The following DNAJC13 variants were observed in gnomAD, a reference collection of about 807,000 sequenced individuals.
The protein encoded by DNAJC13 is DnaJ heat shock protein family (Hsp40) member C13.
In DNAJC13, 75 loss-of-function variants were observed where a neutral mutation model predicts 290.5. The ratio of observed to expected loss-of-function variants is 0.26; its 90% CI spans 0.21 to 0.31. The LOEUF (loss-of-function observed/expected upper bound fraction) is 0.31. Among genes scored for constraint, DNAJC13 ranks in the 10% least tolerant of loss-of-function variants. The pLI, the probability that DNAJC13 is intolerant of heterozygous loss-of-function variation, is 1.00. For missense variants in DNAJC13, 2,260 were observed against 2,674.5 expected, an observed-to-expected ratio of 0.85 and a Z score of 3.42; for synonymous variants, 862 against 892.0, an observed-to-expected ratio of 0.97 and a Z score of 0.60.
intron 44 of DNAJC13, 70 bp downstream of exon 44, chr3:132,511,314 T>A: frequency 1.3e-6 from 2 of 1,540,110 alleles, no homozygotes; most frequent in Non-Finnish European, 1.8e-6. Context: ...AATAATCAAT[T>A]TTATCAGGGA....
At chr3:132,459,566 G>T (rs900345320) in intron 13 of DNAJC13, among the ~76,000 whole-genome samples, 5 of 152,058 alleles carry the variant, frequency 3.3e-5, no homozygotes, top group African/African-American at 1.2e-4. Context: ...AAATGGTTAA[G>T]ATGGTAACTT....
chr3:132,511,115 G>A lies in DNAJC13; in HGVS notation c.5164G>A (p.Ala1722Thr), dbSNP rs1576511260. ...ASLLDYIGSQ[A>T]QYLHTFMAIT... ...TCTCTTGGATTATATAGGCTCGCAG[G>A]CCCAATACTTGCACACATTCATGGC... The change falls in exon 44 of 56, where the codon GCC becomes ACC. Residue 1722 changes from alanine (A) to threonine (T), a missense_variant. Ala to Thr is a moderately conservative substitution (Grantham distance 58). Transcript: ENST00000260818. 1 of 1,613,826 alleles carries A rather than the reference G, an allele frequency of 6.2e-7. No homozygotes were observed. Among genetic ancestry groups the A allele is most frequent in the Non-Finnish European group, 8.5e-7 (1 of 1,179,866 alleles).
chr3:132,468,898 G>A (rs934513698), intron 20 of DNAJC13, among the ~76,000 whole-genome samples: 4 of 152,162 alleles, frequency 2.6e-5, no homozygotes, highest in African/African-American at 7.2e-5. Flanking sequence ...CTGTAGATAA[G>A]TTTTTGGCAT....
At chr3:132,471,143 G>A (rs1216288840) in intron 20 of DNAJC13, among the ~76,000 whole-genome samples, 15 of 130,210 alleles carry the variant, frequency 1.2e-4, no homozygotes, top group Non-Finnish European at 1.8e-4. Flanking sequence ...CCTCCTGGAC[G>A]GGGTGGCTGG....
chr3:132,522,778 T>G, intron 48 of DNAJC13, 50 bp from the exon 49 acceptor site: 16 of 1,434,606 alleles, frequency 1.1e-5, no homozygotes, highest in Non-Finnish European at 1.3e-5. Flanking sequence ...AACAAAATAT[T>G]GAGGTGTTTC....
At position 132,508,275 on chromosome 3, in the gene DNAJC13, G is replaced by T. The variant is rs537805281; in HGVS notation, c.5115+922G>T. Among the ~76,000 whole-genome samples, 8 of 152,330 alleles carry T rather than the reference G, an allele frequency of 5.3e-5. No homozygotes were observed. In the South Asian group the frequency reaches 1.7e-3, roughly 32 times the overall value. On this transcript the variant is annotated intron_variant, in intron 43 of 55. Coordinates refer to ENST00000260818, the MANE Select transcript of DNAJC13 (RefSeq NM_015268.4). Reference sequence around the variant, plus strand: ...CTGTCTCCATAACCTAAAAGTGCAAGGTGAAGCAGCAAGTGCTGATGGAGA... The same window carrying T: ...CTGTCTCCATAACCTAAAAGTGCAATGTGAAGCAGCAAGTGCTGATGGAGA...
At chr3:132,493,939 G>T (rs1213017257) in intron 33 of DNAJC13, among the ~76,000 whole-genome samples, 1 of 152,050 alleles carries the variant, frequency 6.6e-6, no homozygotes, top group Non-Finnish European at 1.5e-5. Flanking sequence ...TTAAATAGAG[G>T]AATATTGCCT....
chr3:132,506,068 T>TTTTTTTTTTA (rs1935576378), intron 42 of DNAJC13, among the ~76,000 whole-genome samples: 1 of 140,188 alleles, frequency 7.1e-6, no homozygotes, highest in Non-Finnish European at 1.5e-5. Flanking sequence ...TTTTTTTTTT[T>TTTTTTTTTTA]GAGATGGAAT....
chr3:132,440,583 C>G (rs142752644), intron 2 of DNAJC13, among the ~76,000 whole-genome samples: 3 of 152,310 alleles, frequency 2.0e-5, no homozygotes, highest in Admixed American at 2.0e-4. Context: ...CAGCTGCTTA[C>G]AGTATTAGGT....
chr3:132,499,904 T>C (rs1395411201), intron 38 of DNAJC13, 96 bp downstream of exon 38: 3 of 1,162,668 alleles, frequency 2.6e-6, no homozygotes, highest in Non-Finnish European at 3.8e-6. Flanking sequence ...CATTAAACTG[T>C]AGGTTGCTGA....
Position 132,447,896 on chromosome 3 carries a change from A to G in DNAJC13, c.295-2A>G. The stretch of plus-strand genomic sequence containing the variant: ...AAACTGTGGTTATGTTTTCTCTTTC[A>G]GAGATTTAGAACTGATTTTTCAGAG... On this transcript the variant is annotated splice_acceptor_variant, in intron 4 of 55. Transcript: ENST00000260818. LOFTEE classifies it high-confidence loss of function. 6.3e-7 allele frequency: 1 copy of G among 1,599,626 alleles called. No individual in the cohort carries two copies. The highest frequency in any genetic ancestry group is 8.6e-7 in the Non-Finnish European group (1 of 1,169,474).
At position 132,492,680 on chromosome 3, in the gene DNAJC13, A is replaced by G. The variant is rs530948427; in HGVS notation, c.3825+65A>G. 2.5e-5 allele frequency: 35 copies of G among 1,424,466 alleles called. No individual in the cohort carries two copies. In the African/African-American group the frequency reaches 4.0e-4, roughly 16 times the overall value. 88.2% of individuals were successfully genotyped at this position (1,424,466 alleles called of 1,614,324 possible). ...AAATAGCCTCTAAACACTTCTGGGT[A>G]TTTTGTCCTCCTGCAGTAAGATGGT... On this transcript the variant is annotated intron_variant, in intron 33 of 55. Transcript: ENST00000260818.
intron 29 of DNAJC13, among the ~76,000 whole-genome samples, chr3:132,486,377 C>T (rs1203635581): frequency 2.0e-5 from 3 of 151,814 alleles, no homozygotes; most frequent in East Asian, 1.9e-4. Flanking sequence ...CTAAGTCTTA[C>T]GAAACTGAAA....
chr3:132,445,411 A>G (rs1051342603), intron 2 of DNAJC13, among the ~76,000 whole-genome samples: 1 of 152,070 alleles, frequency 6.6e-6, no homozygotes, highest in Non-Finnish European at 1.5e-5. Flanking sequence ...TAGCTTTGAA[A>G]ATAGATTGGT....
rs62292943 is a variant in DNAJC13, at chr3:132,471,568, G to A, written c.2209-1577G>A. Among the ~76,000 whole-genome samples the A allele has an allele frequency of 1.9e-3, 259 of 139,802 alleles. 27 individuals are homozygous for A. The highest frequency in any genetic ancestry group is 3.3e-3 in the Non-Finnish European group (211 of 63,868). 91.7% of individuals were successfully genotyped at this position (139,802 alleles called of 152,430 possible). Reference sequence around the variant, plus strand: ...AGAGACGCTCCTCACCTCCCAGATGGGGTCTCGGCCGGGCAGAGGCACTCC... The same window carrying A: ...AGAGACGCTCCTCACCTCCCAGATGAGGTCTCGGCCGGGCAGAGGCACTCC... On this transcript the variant is annotated intron_variant, in intron 20 of 55. Transcript: ENST00000260818.
intron 48 of DNAJC13, 51 bp downstream of exon 48, chr3:132,516,867 A>C: frequency 7.3e-7 from 1 of 1,374,276 alleles, no homozygotes; most frequent in Non-Finnish European, 1.0e-6. Context: ...AAGCATTGTT[A>C]CTTTGATACT....
intron 41 of DNAJC13, 33 bp downstream of exon 41, chr3:132,503,414 C>T: frequency 6.2e-7 from 1 of 1,612,236 alleles, no homozygotes; most frequent in Non-Finnish European, 8.5e-7. Flanking sequence ...GGGTTTTAAT[C>T]AATAGTGCAA....
At position 132,495,174 on chromosome 3, in the gene DNAJC13, C is replaced by T. The variant is rs759868807; in HGVS notation, c.4020+8C>T. 3.8e-5 allele frequency: 61 copies of T among 1,610,168 alleles called. 1 individual carries two copies. In the South Asian group the frequency reaches 6.5e-4, roughly 17 times the overall value. On this transcript the variant is annotated splice_region_variant and intron_variant, in intron 35 of 55. Coordinates refer to ENST00000260818, the MANE Select transcript of DNAJC13 (RefSeq NM_015268.4). ...AAGAATCCAGAAGGGAGGGTATGTA[C>T]TGCTGTTGGAATTCAGGCATTGGGC... is the stretch of plus-strand genomic sequence containing the variant.
At chr3:132,534,937 T>C (rs1936544567) in intron 55 of DNAJC13, among the ~76,000 whole-genome samples, 1 of 152,236 alleles carries the variant, frequency 6.6e-6, no homozygotes, top group South Asian at 2.1e-4. Context: ...TAAAATCCCA[T>C]GATGTGGAAC....
Sources: gnomAD v4.1 joint callset for allele counts (sites outside exome capture counted in the v4.1 genomes callset) on GRCh38, gnomAD v4.1.1 for gene constraint, MANE v1.5 for transcripts, NCBI Gene and HGNC (gene_info 2026-07-23, HGNC 2026-07-21) for gene names.